Variants in TBXAS1 observed in about 807,000 individuals in gnomAD.
The protein encoded by TBXAS1 is thromboxane-A synthase.
Under a neutral mutation model 60.7 loss-of-function variants are expected in TBXAS1, and 48 were observed. The observed-to-expected ratio is 0.79, with a 90% CI of 0.63 to 1.01. TBXAS1 has a LOEUF of 1.01. Ranked by LOEUF, TBXAS1 falls within the 50% of genes least tolerant of loss-of-function variation. The pLI is 0.00. For synonymous variants in TBXAS1, 287 were observed against 269.7 expected, an observed-to-expected ratio of 1.06 and a Z score of -0.63; for missense variants, 685 against 686.3, an observed-to-expected ratio of 1.00 and a Z score of 0.02.
At chr7:139,936,452 T>C (rs1807799936) in intron 5 of TBXAS1, 145 bp downstream of exon 5, 3 of 840,230 alleles carry the variant, frequency 3.6e-6, no homozygotes, top group African/African-American at 1.7e-5. Flanking sequence ...GACCTCTCTG[T>C]TATGCAGAAA....
At chr7:139,818,892 G>C (rs777072036) in intron 4 of TBXAS1, among the ~76,000 whole-genome samples, 5 of 152,160 alleles carry the variant, frequency 3.3e-5, no homozygotes, top group African/African-American at 9.7e-5. Context: ...CCTGGAGAGA[G>C]AGTTGGGAAT....
intron 4 of TBXAS1, among the ~76,000 whole-genome samples, chr7:139,919,558 T>C (rs762273386): frequency 1.3e-5 from 2 of 152,220 alleles, no homozygotes; most frequent in African/African-American, 2.4e-5. Flanking sequence ...AAGAAAACAT[T>C]TGTGGCTATA....
intron 3 of TBXAS1, among the ~76,000 whole-genome samples, chr7:139,901,030 T>A (rs1804524215): frequency 6.6e-6 from 1 of 152,158 alleles, no homozygotes; most frequent in African/African-American, 2.4e-5. Flanking sequence ...CTGCATGGAA[T>A]GCGAGGGTGG....
chr7:139,921,373 A>G (rs1384327451), intron 4 of TBXAS1, among the ~76,000 whole-genome samples: 2 of 152,226 alleles, frequency 1.3e-5, no homozygotes, highest in Non-Finnish European at 2.9e-5. Flanking sequence ...TTTGCTCAAC[A>G]TAATGTCTGT....
chr7:139,873,363 A>G (rs544277865), intron 2 of TBXAS1, among the ~76,000 whole-genome samples: 3 of 152,336 alleles, frequency 2.0e-5, no homozygotes, highest in Admixed American at 1.3e-4. Flanking sequence ...ATTGAAATGG[A>G]CAACACTCTG....
At chr7:139,844,036 A>G (rs1193053964) in intron 1 of TBXAS1, among the ~76,000 whole-genome samples, 1 of 152,224 alleles carries the variant, frequency 6.6e-6, no homozygotes, top group East Asian at 1.9e-4. Flanking sequence ...TTGGTGTGCT[A>G]TGGATAACAT....
intron 4 of TBXAS1, among the ~76,000 whole-genome samples, chr7:139,824,058 C>T (rs1017803509): frequency 3.3e-5 from 5 of 152,116 alleles, no homozygotes; most frequent in African/African-American, 1.2e-4. Context: ...AGGAAGGCAC[C>T]ACTTAGACAT....
intron 1 of TBXAS1, among the ~76,000 whole-genome samples, chr7:139,870,491 T>C (rs538607923): frequency 2.0e-5 from 3 of 152,312 alleles, no homozygotes; most frequent in East Asian, 1.9e-4. Context: ...TTCCTCTCTG[T>C]TGTAAGGGGA....
chr7:139,940,519 G>T (rs564799822), intron 5 of TBXAS1, among the ~76,000 whole-genome samples: 3 of 152,148 alleles, frequency 2.0e-5, no homozygotes, highest in South Asian at 4.2e-4. Flanking sequence ...TCTGCTGAGA[G>T]CCAGCGTGGA....
chr7:139,949,919 C>T (rs1809063968), intron 5 of TBXAS1, among the ~76,000 whole-genome samples: 1 of 151,980 alleles, frequency 6.6e-6, no homozygotes, highest in African/African-American at 2.4e-5. Context: ...TGGAGGGGCA[C>T]AAGGCTCTGC....
intron 4 of TBXAS1, among the ~76,000 whole-genome samples, chr7:139,819,653 C>T (rs1415303802): frequency 9.2e-5 from 14 of 152,156 alleles, no homozygotes; most frequent in African/African-American, 3.4e-4. Context: ...CAGGTGCACG[C>T]CACCATGCCC....
chr7:140,010,602 G>A (rs1197037440), intron 10 of TBXAS1, among the ~76,000 whole-genome samples: 6 of 152,196 alleles, frequency 3.9e-5, no homozygotes, highest in African/African-American at 1.4e-4. Flanking sequence ...TTGGAACTGC[G>A]GGTACAGACA....
intron 3 of TBXAS1, among the ~76,000 whole-genome samples, chr7:139,883,524 C>A (rs1165879193): frequency 6.6e-6 from 1 of 152,192 alleles, no homozygotes; most frequent in Non-Finnish European, 1.5e-5. Context: ...TCATAAAGAT[C>A]AAGAACCTGT....
chr7:139,955,778 G>C (rs1017580600), intron 7 of TBXAS1, among the ~76,000 whole-genome samples, 171 bp downstream of exon 7: 1 of 152,140 alleles, frequency 6.6e-6, no homozygotes, highest in African/African-American at 2.4e-5. Flanking sequence ...CTTGTCACCC[G>C]CCTAGGGCCA....
intron 4 of TBXAS1, 81 bp from the exon 5 acceptor site, chr7:139,936,110 G>C (rs1267989710): frequency 6.2e-6 from 8 of 1,285,002 alleles, no homozygotes; most frequent in African/African-American, 1.5e-5. Context: ...TTTAACCAGG[G>C]TGTTTGTCAT....
chr7:139,961,874 T>G (rs1005791923), intron 8 of TBXAS1, 45 bp from the exon 9 acceptor site: 10 of 1,612,714 alleles, frequency 6.2e-6, no homozygotes, highest in Non-Finnish European at 8.5e-6. Context: ...TCACTCTTCA[T>G]GACTGTAAGG....
intron 4 of TBXAS1, among the ~76,000 whole-genome samples, chr7:139,817,512 C>G (rs900467857): frequency 2.0e-5 from 3 of 152,130 alleles, no homozygotes; most frequent in Non-Finnish European, 4.4e-5. Flanking sequence ...CTGGTAAAAC[C>G]CCGATAAGAT....
At chr7:139,950,299 G>T (rs1809098002) in intron 5 of TBXAS1, among the ~76,000 whole-genome samples, 1 of 152,054 alleles carries the variant, frequency 6.6e-6, no homozygotes, top group Non-Finnish European at 1.5e-5. Flanking sequence ...GCCTCCGAAA[G>T]TGCTGGGATT....
chr7:139,816,113 T>C (rs979680123), intron 4 of TBXAS1, among the ~76,000 whole-genome samples: 5 of 152,200 alleles, frequency 3.3e-5, no homozygotes, highest in African/African-American at 9.7e-5. Flanking sequence ...TCTTCCCACT[T>C]TACATGCTCT....
Sources: gnomAD v4.1 joint callset for allele counts (sites outside exome capture counted in the v4.1 genomes callset) on GRCh38, gnomAD v4.1.1 for gene constraint, MANE v1.5 for transcripts, NCBI Gene and HGNC (gene_info 2026-07-23, HGNC 2026-07-21) for gene names.